The following SETD2 variants were observed in gnomAD, a reference collection of about 807,000 sequenced individuals.
The protein encoded by SETD2 is histone-lysine N-methyltransferase SETD2.
Under a neutral mutation model 242.1 loss-of-function variants are expected in SETD2, and 31 were observed. The observed-to-expected ratio is 0.13, with a 90% CI of 0.10 to 0.17. The LOEUF is 0.17. Among genes scored for constraint, SETD2 ranks in the 10% least tolerant of loss-of-function variants. The pLI is 1.00. For synonymous variants in SETD2, 1,006 were observed against 1,066.5 expected, an observed-to-expected ratio of 0.94 and a Z score of 1.11; for missense variants, 2,481 against 3,046.3, an observed-to-expected ratio of 0.81 and a Z score of 4.37.
At chr3:47,067,493 C>T (rs1285481252) in intron 12 of SETD2, among the ~76,000 whole-genome samples, 2 of 147,090 alleles carry the variant, frequency 1.4e-5, no homozygotes, top group African/African-American at 2.5e-5. Context: ...CGGCTCACTG[C>T]AACCTCTGCC....
chr3:47,035,528 C>T (rs1431106641), intron 18 of SETD2, among the ~76,000 whole-genome samples: 1 of 152,210 alleles, frequency 6.6e-6, no homozygotes, highest in African/African-American at 2.4e-5. Context: ...TTTCCTAACA[C>T]AGGTCTTCAT....
chr3:47,124,653 TAAC>T (rs2043254937), intron 2 of SETD2, 105 bp from the exon 3 acceptor site: 2 of 950,722 alleles, frequency 2.1e-6, no homozygotes, highest in East Asian at 5.3e-5. Flanking sequence ...CCCTTTTTAA[TAAC>T]AAATAGTATG....
Position 47,121,490 on chromosome 3 carries a change from C to T in SETD2, c.3146G>A (p.Ser1049Asn), listed in dbSNP as rs995603520. 6 of 1,613,870 alleles carry T rather than the reference C, an allele frequency of 3.7e-6. No individual in the cohort carries two copies. The African/African-American group carries it at 6.7e-5, about 18-fold the overall frequency. The stretch of plus-strand genomic sequence containing the variant: ...ATCCGAATCTGTATCTTCTGAATCA[C>T]TTTCATCATTTGAACTTTCAGAAGA... ...SGSSESSNDE[S>N]DSEDTDSDDS... Residue 1049 changes from serine to asparagine, a missense_variant, in exon 3 of 21, where the codon AGT (serine) becomes AAT (asparagine). This residue lies in a region of SETD2 where 1,300 missense variants were observed against 1,259.2 expected (regional missense o/e 1.03). Coordinates refer to ENST00000409792, the MANE Select transcript of SETD2 (RefSeq NM_014159.7).
intron 14 of SETD2, among the ~76,000 whole-genome samples, chr3:47,059,708 A>ACG (rs2040253348): frequency 6.6e-6 from 1 of 152,042 alleles, no homozygotes; most frequent in Non-Finnish European, 1.5e-5. Flanking sequence ...ACAAGCCACC[A>ACG]CGCCTGGCTG....
At chr3:47,143,123 T>C (rs1008400267) in intron 1 of SETD2, among the ~76,000 whole-genome samples, 2 of 152,058 alleles carry the variant, frequency 1.3e-5, no homozygotes, top group Non-Finnish European at 2.9e-5. Context: ...TGAGAGCCCA[T>C]TTCTACAAAA....
intron 5 of SETD2, among the ~76,000 whole-genome samples, chr3:47,109,985 C>CAAA (rs1167745997): frequency 3.3e-5 from 2 of 60,500 alleles, no homozygotes; most frequent in Non-Finnish European, 3.3e-5. Flanking sequence ...GACTCCATCT[C>CAAA]AAAAAAAAAA....
intron 9 of SETD2, among the ~76,000 whole-genome samples, chr3:47,090,718 G>A (rs1034875566): frequency 1.1e-4 from 17 of 151,974 alleles, no homozygotes; most frequent in Non-Finnish European, 2.9e-5. Context: ...TAATTTGTGC[G>A]GCAATAACAG....
chr3:47,046,453 G>A (rs2107548744), intron 16 of SETD2, 34 bp downstream of exon 16: 1 of 1,539,052 alleles, frequency 6.5e-7, no homozygotes, highest in Non-Finnish European at 8.8e-7. Flanking sequence ...AAAGTAGACA[G>A]CCAATGAGTT....
intron 1 of SETD2, among the ~76,000 whole-genome samples, chr3:47,151,649 GA>G (rs1043148482): frequency 2.6e-5 from 4 of 151,964 alleles, no homozygotes; most frequent in African/African-American, 9.7e-5. Context: ...CCAACATAGT[GA>G]AACTCCATCT....
chr3:47,071,239 CTT>C (rs1194748188), intron 12 of SETD2, among the ~76,000 whole-genome samples: 3 of 152,214 alleles, frequency 2.0e-5, no homozygotes. Flanking sequence ...ATATTGTCCT[CTT>C]ATTTCTTTAG....
chr3:47,149,814 A>AT (rs1283563512), intron 1 of SETD2, among the ~76,000 whole-genome samples: 1 of 152,188 alleles, frequency 6.6e-6, no homozygotes, highest in Non-Finnish European at 1.5e-5. Flanking sequence ...TGTTCTAAAC[A>AT]TTAGGTTAAA....
At chr3:47,058,088 G>A (rs1245524861) in intron 14 of SETD2, among the ~76,000 whole-genome samples, 1 of 152,080 alleles carries the variant, frequency 6.6e-6, no homozygotes, top group Admixed American at 6.6e-5. Context: ...ATTAGACCAA[G>A]TCTCACAAAA....
chr3:47,033,652 ATT>A (rs34978514), intron 18 of SETD2, among the ~76,000 whole-genome samples: 39 of 90,854 alleles, frequency 4.3e-4, no homozygotes, highest in African/African-American at 1.6e-3. Flanking sequence ...TCATGGTTTG[ATT>A]TTTTTTTTTT....
intron 5 of SETD2, among the ~76,000 whole-genome samples, chr3:47,106,519 A>AC (rs2042429714): frequency 7.0e-6 from 1 of 143,440 alleles, no homozygotes; most frequent in African/African-American, 2.6e-5. Context: ...AAAAAAAAAA[A>AC]AAAAAAAGGC....
chr3:47,073,755 T>C (rs973218159), intron 12 of SETD2, among the ~76,000 whole-genome samples: 1 of 152,186 alleles, frequency 6.6e-6, no homozygotes, highest in Non-Finnish European at 1.5e-5. Flanking sequence ...CAATACCTAA[T>C]ACATATGAGA....
intron 16 of SETD2, among the ~76,000 whole-genome samples, chr3:47,043,367 T>C (rs1245813527): frequency 1.3e-5 from 2 of 152,228 alleles, no homozygotes; most frequent in Admixed American, 1.3e-4. Context: ...CAGAGGACAC[T>C]CACAGAGAAA....
chr3:47,129,007 G>A (rs1446840514), intron 1 of SETD2, among the ~76,000 whole-genome samples: 3 of 152,092 alleles, frequency 2.0e-5, no homozygotes, highest in Non-Finnish European at 4.4e-5. Flanking sequence ...AGCCTCAGCA[G>A]TTCTATTTTG....
intron 18 of SETD2, among the ~76,000 whole-genome samples, chr3:47,022,212 C>T (rs1287778926): frequency 6.6e-6 from 1 of 150,464 alleles, no homozygotes. Context: ...CACACACACA[C>T]ACACACACAC....
At chr3:47,051,954 T>C (rs1293266085) in intron 15 of SETD2, among the ~76,000 whole-genome samples, 2 of 152,218 alleles carry the variant, frequency 1.3e-5, no homozygotes, top group Non-Finnish European at 2.9e-5. Flanking sequence ...AGCTGTGGTT[T>C]AGAAGAACAC....
Sources: gnomAD v4.1 joint callset for allele counts (sites outside exome capture counted in the v4.1 genomes callset) on GRCh38, gnomAD v4.1.1 for gene constraint, gnomAD v4.1.1 regional missense constraint, MANE v1.5 for transcripts, NCBI Gene and HGNC (gene_info 2026-07-23, HGNC 2026-07-21) for gene names.